The following SIK2 variants were observed in gnomAD, a reference collection of about 807,000 sequenced individuals.
The protein encoded by SIK2 is serine/threonine-protein kinase SIK2.
Under a neutral mutation model 103.2 loss-of-function variants are expected in SIK2, and 29 were observed. The ratio of observed to expected loss-of-function variants is 0.28; its 90% CI spans 0.21 to 0.38. The LOEUF (loss-of-function observed/expected upper bound fraction) is 0.38, where lower values mean the gene tolerates loss of function less well. Among genes scored for constraint, SIK2 ranks in the 10% least tolerant of loss-of-function variants. The pLI, the probability that SIK2 is intolerant of heterozygous loss-of-function variation, is 1.00. For synonymous variants in SIK2, 412 were observed against 446.1 expected (o/e 0.92, Z 0.96); for missense variants, 879 against 1,171.0 (o/e 0.75, Z 3.64).
intron 8 of SIK2, among the ~76,000 whole-genome samples, chr11:111,708,873 T>C (rs920691499): frequency 1.3e-5 from 2 of 152,190 alleles, no homozygotes; most frequent in Non-Finnish European, 2.9e-5. Flanking sequence ...CAGGACCTGA[T>C]GAAGGTCACA....
Position 111,701,132 on chromosome 11 carries a change from C to G in SIK2, c.603+122C>G, listed in dbSNP as rs1378356613. 1 of 1,298,398 alleles carries G rather than the reference C, an allele frequency of 7.7e-7. No homozygotes were observed. 80.4% of individuals were successfully genotyped at this position (1,298,398 alleles called of 1,614,324 possible). A position where few individuals can be genotyped will look rare whatever the true frequency, so the allele number is the denominator to read the frequency against. On this transcript the variant is annotated intron_variant, in intron 5 of 14. Coordinates refer to ENST00000304987, the MANE Select transcript of SIK2 (RefSeq NM_015191.3). The surrounding 1 kb of genome is among the most constrained non-coding windows in gnomAD (Gnocchi z 4.2). ...CAGTATTTCATATTTTCCCCATCCA[C>G]TGGACTATAATTACTCAGAGCATCT...
intron 1 of SIK2, among the ~76,000 whole-genome samples, chr11:111,609,291 T>C (rs1245932486): frequency 6.6e-6 from 1 of 152,148 alleles, no homozygotes; most frequent in Non-Finnish European, 1.5e-5. Flanking sequence ...CCCAATCTGT[T>C]TTTCCTACCC....
At chr11:111,616,127 A>C in intron 1 of SIK2, 116 bp from the exon 2 acceptor site, 1 of 644,018 alleles carries the variant, frequency 1.6e-6, no homozygotes, top group South Asian at 2.0e-5. Flanking sequence ...TTAAACTGCT[A>C]TCATCAGTGT....
intron 3 of SIK2, among the ~76,000 whole-genome samples, chr11:111,663,718 T>G (rs2186839): frequency 0.64 from 97,607 of 152,068 alleles, 33,410 homozygotes; most frequent in East Asian, 0.96. Flanking sequence ...TGGCCTTAGG[T>G]GGTCATGGTG....
At chr11:111,677,310 T>G (rs184972986) in intron 3 of SIK2, among the ~76,000 whole-genome samples, 1 of 152,364 alleles carries the variant, frequency 6.6e-6, no homozygotes, top group African/African-American at 2.4e-5. Context: ...GGAATTATAT[T>G]AAGAGAGTTC....
chr11:111,640,750 T>G (rs1942171217), intron 3 of SIK2, among the ~76,000 whole-genome samples: 1 of 140,424 alleles, frequency 7.1e-6, no homozygotes. Flanking sequence ...TTTTTTTTTT[T>G]TTGAGATGGA....
intron 4 of SIK2, among the ~76,000 whole-genome samples, chr11:111,690,822 G>T (rs1451786630): frequency 6.6e-6 from 1 of 152,168 alleles, no homozygotes; most frequent in African/African-American, 2.4e-5. Context: ...GTATTCCATT[G>T]TGTATATGTG....
Position 111,721,047 on chromosome 11 carries a change from T to C in SIK2, c.1929T>C (p.Ala643=), listed in dbSNP as rs1943785287. The C allele has an allele frequency of 7.4e-6, 12 of 1,613,612 alleles. No individual in the cohort carries two copies. Among genetic ancestry groups the C allele is most frequent in the Non-Finnish European group, 9.3e-6 (11 of 1,179,794 alleles). The change falls in exon 12 of 15, where the codon GCT becomes GCC. Residue 643 remains alanine (A), a synonymous_variant. Coordinates refer to ENST00000304987, the MANE Select transcript of SIK2 (RefSeq NM_015191.3). The part of the protein sequence containing the change: ...APAAPQLQDL[A]SSCPQEEVSQ... The stretch of plus-strand genomic sequence containing the variant: ...CGGCTCCTCAGCTCCAGGACCTTGC[T>C]AGCAGCTGCCCTCAGGTGGGTACCT...
chr11:111,644,230 G>A (rs1386903956), intron 3 of SIK2, among the ~76,000 whole-genome samples: 1 of 148,944 alleles, frequency 6.7e-6, no homozygotes, highest in Non-Finnish European at 1.5e-5. Flanking sequence ...CGGAGGTTGT[G>A]GTGAGCCGAG....
At chr11:111,657,157 A>C (rs1259021074) in intron 3 of SIK2, among the ~76,000 whole-genome samples, 2 of 152,176 alleles carry the variant, frequency 1.3e-5, no homozygotes, top group Non-Finnish European at 2.9e-5. Context: ...ATGGCATTTG[A>C]ATTGGAACTT....
chr11:111,667,284 A>G (rs539185819), intron 3 of SIK2, among the ~76,000 whole-genome samples: 21 of 152,082 alleles, frequency 1.4e-4, no homozygotes, highest in Non-Finnish European at 2.8e-4. Flanking sequence ...CATTACAGTA[A>G]AATTCCTAAG....
intron 2 of SIK2, among the ~76,000 whole-genome samples, chr11:111,619,433 G>T (rs183870357): frequency 6.6e-6 from 1 of 150,880 alleles, no homozygotes; most frequent in Non-Finnish European, 1.5e-5. Context: ...TTCATCTGTC[G>T]CCCAGATACA....
rs1007307033 is a variant in SIK2 at position 111,724,146 on chromosome 11, G to A, written c.*17G>A. 2 of 1,598,494 alleles carry A rather than the reference G, an allele frequency of 1.3e-6. No homozygotes were observed. The highest frequency in any genetic ancestry group is 1.3e-5 in the African/African-American group (1 of 74,728). ...GTGAATTAGTCTCAGCACAGGAATTGAGGTGGGTCAGGTGAAGGAAGAGTG... is the reference window on the plus strand; with the variant it reads ...GTGAATTAGTCTCAGCACAGGAATTAAGGTGGGTCAGGTGAAGGAAGAGTG... On this transcript the variant is annotated 3_prime_UTR_variant, in exon 15 of 15. Transcript: ENST00000304987.
chr11:111,661,701 A>G (rs1942469360), intron 3 of SIK2, among the ~76,000 whole-genome samples: 2 of 152,382 alleles, frequency 1.3e-5, no homozygotes, highest in Admixed American at 6.5e-5. Flanking sequence ...CCACATGGCC[A>G]GGGAGGCCTT....
intron 3 of SIK2, among the ~76,000 whole-genome samples, chr11:111,659,621 A>AT (rs1377075903): frequency 6.7e-6 from 1 of 149,876 alleles, no homozygotes; most frequent in South Asian, 2.1e-4. Flanking sequence ...CGCATTCTCC[A>AT]TTTTTTAAAG....
intron 3 of SIK2, among the ~76,000 whole-genome samples, chr11:111,652,618 G>A (rs183921601): frequency 2.3e-3 from 351 of 152,240 alleles, no homozygotes; most frequent in African/African-American, 7.8e-3. Flanking sequence ...AGAAGGCCTT[G>A]ATTAGAAAAG....
chr11:111,674,803 G>C (rs1186946885), intron 3 of SIK2, among the ~76,000 whole-genome samples: 3 of 151,676 alleles, frequency 2.0e-5, no homozygotes, highest in African/African-American at 4.9e-5. Context: ...CTGGAATGCA[G>C]TGGTGCAGTC....
intron 3 of SIK2, among the ~76,000 whole-genome samples, chr11:111,630,799 A>G (rs941041043): frequency 3.9e-5 from 6 of 152,196 alleles, no homozygotes; most frequent in Non-Finnish European, 7.3e-5. Context: ...GGAAGCTACA[A>G]CCAGATTTCA....
At position 111,722,566 on chromosome 11, in the gene SIK2, A is replaced by G. The variant is rs1204545751; in HGVS notation, c.2056-99A>G. On this transcript the variant is annotated intron_variant, in intron 13 of 14. Transcript: ENST00000304987. The surrounding 1 kb of genome is among the most constrained non-coding windows in gnomAD (Gnocchi z 4.4). ...CCTTCACCCCGTGTGGATTCTGTAG[A>G]ATGCAGTTAGATTCATCCTGCAGGC... is the stretch of plus-strand genomic sequence containing the variant. 2.0e-5 allele frequency: 23 copies of G among 1,123,164 alleles called. No individual in the cohort carries two copies. The highest frequency in any genetic ancestry group is 3.0e-5 in the Non-Finnish European group (23 of 766,130). 69.6% of individuals were successfully genotyped at this position (1,123,164 alleles called of 1,614,324 possible).
Sources: allele counts gnomAD v4.1 joint callset (sites outside exome capture counted in the v4.1 genomes callset), GRCh38; gene constraint gnomAD v4.1.1; non-coding constraint Gnocchi (gnomAD v3.1); transcripts MANE v1.5; gene names NCBI Gene and HGNC (gene_info 2026-07-23, HGNC 2026-07-21).